C3orf52: variants seen among roughly 807,000 people sequenced by gnomAD.
C3orf52 encodes TPA-induced transmembrane protein.
A neutral mutation model predicts 24.8 loss-of-function variants in C3orf52; 22 were observed. The observed-to-expected ratio is 0.89, with a 90% CI of 0.63 to 1.27. The LOEUF is 1.27. C3orf52 is among the 50% of genes most tolerant of loss of function. The pLI is 0.00. For missense variants in C3orf52, 265 were observed against 260.7 expected (o/e 1.02, Z -0.11); for synonymous variants, 93 against 100.2 (o/e 0.93, Z 0.43).
intron 1 of C3orf52, among the ~76,000 whole-genome samples, chr3:112,091,005 C>A (rs1248039975): frequency 1.3e-5 from 2 of 152,098 alleles, no homozygotes; most frequent in Non-Finnish European, 2.9e-5. Context: ...TGAGAGGTGA[C>A]CCTATCCCTG....
intron 3 of C3orf52, among the ~76,000 whole-genome samples, chr3:112,108,796 G>A (rs557238872): frequency 1.3e-5 from 2 of 152,274 alleles, no homozygotes; most frequent in South Asian, 4.1e-4. Flanking sequence ...TAAATAAGTA[G>A]TAATTTGTAA....
chr3:112,117,096 TA>T lies in C3orf52; in HGVS notation c.*451del, dbSNP rs2074141812. On this transcript the variant is annotated 3_prime_UTR_variant, in exon 6 of 6. Coordinates refer to ENST00000264848, the MANE Select transcript of C3orf52 (RefSeq NM_024616.3). Reference sequence around the variant, plus strand: ...AGTGCAGAGGTGCACTGTCTTCTTTTAGGTGGGATCGCGTAAGCATGAGCTG... The same window carrying T: ...AGTGCAGAGGTGCACTGTCTTCTTTTGGTGGGATCGCGTAAGCATGAGCTG... 29 of 632,978 alleles carry T rather than the reference TA, an allele frequency of 4.6e-5. 1 individual carries two copies. The South Asian group carries it at 5.9e-4, about 13-fold the overall frequency. 39.2% of individuals were successfully genotyped at this position (632,978 alleles called of 1,614,324 possible).
intron 1 of C3orf52, among the ~76,000 whole-genome samples, chr3:112,089,323 C>T (rs957468141): frequency 1.3e-5 from 2 of 151,898 alleles, no homozygotes; most frequent in African/African-American, 4.8e-5. Context: ...GTTGGGAGTT[C>T]GAGACCAGCC....
At chr3:112,121,726 G>A (rs1190340062), downstream of C3orf52, 1 of 152,200 alleles carries the variant, frequency 6.6e-6, no homozygotes, top group Non-Finnish European at 1.5e-5. Flanking sequence ...AGATGCAGCT[G>A]GCTCTTTAGC....
At chr3:112,122,947 CACT>C (rs2074227718), downstream of C3orf52, 1 of 159,336 alleles carries the variant, frequency 6.3e-6, no homozygotes, top group Non-Finnish European at 1.4e-5. Flanking sequence ...GGTCAAAGGA[CACT>C]ATGTAAAAGA....
At position 112,089,786 on chromosome 3, in the gene C3orf52, C is replaced by T. The variant is rs564375750; in HGVS notation, c.138+3241C>T. 2.2e-4 allele frequency among the ~76,000 whole-genome samples: 33 copies of T among 152,184 alleles called. No individual in the cohort carries two copies. In the South Asian group the frequency reaches 6.6e-3, roughly 31 times the overall value. On this transcript the variant is annotated intron_variant, in intron 1 of 5. Transcript: ENST00000264848. ...TAGATGTAAGAGATAGGTATCCTGC[C>T]ACTGTTGCAGGATCCTGTGTCATGT...
chr3:112,124,906 G>A (rs1047053136), intron 4 of C3orf52, among the ~76,000 whole-genome samples: 4 of 152,186 alleles, frequency 2.6e-5, no homozygotes, highest in African/African-American at 9.7e-5. Context: ...ATCGGGGGAT[G>A]GGATGGATTA....
chr3:112,128,254 T>C, exon 5 of C3orf52: 1 of 698,742 alleles, frequency 1.4e-6, no homozygotes, highest in Admixed American at 2.0e-5. Context: ...TACTATCAAA[T>C]TCCTAATCAG....
intron 3 of C3orf52, among the ~76,000 whole-genome samples, chr3:112,104,918 T>C (rs185822174): frequency 1.3e-5 from 2 of 152,344 alleles, no homozygotes; most frequent in Admixed American, 1.3e-4. Context: ...ACTTTCCTCT[T>C]GGCTGCTTTT....
Position 112,116,793 on chromosome 3 carries a change from G to A in C3orf52, c.*147G>A, listed in dbSNP as rs887498212. The A allele has an allele frequency of 1.5e-5, 23 of 1,541,590 alleles. No homozygotes were observed. The Admixed American group carries it at 1.8e-4, about 12-fold the overall frequency. On this transcript the variant is annotated 3_prime_UTR_variant, in exon 6 of 6. Transcript: ENST00000264848. ...AGGGGTGGAGACTCCTTTCTCTCCC[G>A]ATTCTACAGTCTGGCTCTAAGCCCA... is the stretch of plus-strand genomic sequence containing the variant.
chr3:112,123,574 GC>G, intron 4 of C3orf52: 1 of 1,614,186 alleles, frequency 6.2e-7, no homozygotes, highest in South Asian at 1.1e-5. Flanking sequence ...GATCGGGCAT[GC>G]CTGGGGTCTG....
chr3:112,095,782 G>A (rs548496072), intron 2 of C3orf52, among the ~76,000 whole-genome samples: 1 of 146,876 alleles, frequency 6.8e-6, no homozygotes, highest in South Asian at 2.2e-4. Context: ...CATGTTAGAC[G>A]TGGGGGTGGG....
chr3:112,106,031 A>G (rs2074020282), intron 3 of C3orf52, among the ~76,000 whole-genome samples: 1 of 152,140 alleles, frequency 6.6e-6, no homozygotes, highest in Non-Finnish European at 1.5e-5. Context: ...ATAAAAAGGT[A>G]CATAGGGCGG....
chr3:112,093,539 A>C, intron 2 of C3orf52, 50 bp downstream of exon 2: 1 of 1,557,552 alleles, frequency 6.4e-7, no homozygotes. Context: ...AACTTACTTA[A>C]GGCTTGTGAC....
At chr3:112,127,954 C>T (rs560968903) in intron 4 of C3orf52, 9 of 1,422,686 alleles carry the variant, frequency 6.3e-6, no homozygotes, top group Admixed American at 1.7e-5. Flanking sequence ...AGGTAACTTA[C>T]AGCAAATACC....
At chr3:112,130,287 A>G, downstream of C3orf52, 1 of 679,654 alleles carries the variant, frequency 1.5e-6, no homozygotes, top group Non-Finnish European at 2.6e-6. Context: ...AAAGTTTTCA[A>G]GCATTTTATC....
At chr3:112,132,530 C>T, downstream of C3orf52, 1 of 399,190 alleles carries the variant, frequency 2.5e-6, no homozygotes, top group Non-Finnish European at 3.4e-6. Context: ...CACTAGAACT[C>T]TCTAAGGTAG....
At position 112,095,295 on chromosome 3, in the gene C3orf52, C is replaced by A. The variant is rs144392758; in HGVS notation, c.268+1806C>A. On this transcript the variant is annotated intron_variant, in intron 2 of 5. Coordinates refer to ENST00000264848, the MANE Select transcript of C3orf52 (RefSeq NM_024616.3). ...TACTTCCTATTCATATCAATTCCAA[C>A]ACATGGATGTTGAAAATGAGGTTGA... 3.9e-5 allele frequency among the ~76,000 whole-genome samples: 6 copies of A among 152,300 alleles called. No individual in the cohort carries two copies. In the East Asian group the frequency reaches 9.6e-4, roughly 24 times the overall value.
chr3:112,107,757 G>A (rs995895847), intron 3 of C3orf52, among the ~76,000 whole-genome samples: 3 of 152,162 alleles, frequency 2.0e-5, no homozygotes, highest in African/African-American at 7.2e-5. Context: ...GTTTTGCCAG[G>A]TTTTTATAAA....
Sources: gnomAD v4.1 joint callset for allele counts (sites outside exome capture counted in the v4.1 genomes callset) on GRCh38, gnomAD v4.1.1 for gene constraint, MANE v1.5 for transcripts, NCBI Gene and HGNC (gene_info 2026-07-23, HGNC 2026-07-21) for gene names.